Variants in PRKN observed in about 807,000 individuals in gnomAD.
PRKN encodes the protein E3 ubiquitin-protein ligase parkin.
PRKN carries 56 observed loss-of-function variants against 59.5 expected under a neutral mutation model. The observed-to-expected ratio is 0.94, with a 90% CI of 0.76 to 1.18. PRKN has a LOEUF of 1.18. Ranked by LOEUF, PRKN falls within the 50% of genes most tolerant of loss-of-function variation. The pLI is 0.00. For synonymous variants in PRKN, 250 were observed against 222.1 expected, an observed-to-expected ratio of 1.13 and a Z score of -1.12; for missense variants, 657 against 596.4, an observed-to-expected ratio of 1.10 and a Z score of -1.06.
intron 4 of PRKN, among the ~76,000 whole-genome samples, chr6:162,117,218 C>A (rs1284242654): frequency 2.0e-5 from 3 of 152,180 alleles, no homozygotes; most frequent in Non-Finnish European, 4.4e-5. Context: ...GATTTTAAAT[C>A]TTGTTATGCT....
At chr6:162,197,715 A>G (rs896760839) in intron 4 of PRKN, among the ~76,000 whole-genome samples, 1 of 152,218 alleles carries the variant, frequency 6.6e-6, no homozygotes, top group Admixed American at 6.5e-5. Flanking sequence ...ATACAAGAAT[A>G]TAAGGATAAG....
intron 2 of PRKN, among the ~76,000 whole-genome samples, chr6:162,419,679 G>GA (rs1237082101): frequency 6.6e-6 from 1 of 151,920 alleles, no homozygotes; most frequent in Non-Finnish European, 1.5e-5. Context: ...TTTACTTTTT[G>GA]AAAAATGCTT....
intron 7 of PRKN, among the ~76,000 whole-genome samples, chr6:161,630,185 A>G (rs531045894): frequency 6.6e-6 from 1 of 152,218 alleles, no homozygotes; most frequent in African/African-American, 2.4e-5. Context: ...TCATAATATA[A>G]TATGAAAGCA....
chr6:162,044,880 T>C (rs1784194366), intron 5 of PRKN, among the ~76,000 whole-genome samples: 2 of 152,342 alleles, frequency 1.3e-5, no homozygotes, highest in South Asian at 4.1e-4. Flanking sequence ...ACTCATGATA[T>C]ACTAACTTGT....
chr6:162,032,395 A>C (rs1783675960), intron 5 of PRKN, among the ~76,000 whole-genome samples: 1 of 152,188 alleles, frequency 6.6e-6, no homozygotes, highest in Non-Finnish European at 1.5e-5. Flanking sequence ...AGGAATTCTA[A>C]GGCAGAGATG....
At chr6:161,416,622 C>G (rs1231282151) in intron 9 of PRKN, among the ~76,000 whole-genome samples, 1 of 152,120 alleles carries the variant, frequency 6.6e-6, no homozygotes, top group African/African-American at 2.4e-5. Context: ...CAGCCTCATC[C>G]GCTGCTGCCT....
intron 6 of PRKN, among the ~76,000 whole-genome samples, chr6:161,920,619 G>A (rs918942914): frequency 1.3e-4 from 19 of 151,530 alleles, no homozygotes; most frequent in African/African-American, 3.6e-4. Context: ...ACCCCGTCTC[G>A]TCTCTACTAA....
chr6:162,226,309 G>C (rs1778177825), intron 3 of PRKN, among the ~76,000 whole-genome samples: 1 of 152,124 alleles, frequency 6.6e-6, no homozygotes, highest in South Asian at 2.1e-4. Flanking sequence ...CCAGAAAGGA[G>C]AGAGTGCTCC....
intron 3 of PRKN, among the ~76,000 whole-genome samples, chr6:162,250,420 T>C (rs1354287058): frequency 6.6e-6 from 1 of 152,156 alleles, no homozygotes; most frequent in Non-Finnish European, 1.5e-5. Context: ...TATTTATCTC[T>C]CTCACACACA....
At chr6:162,490,229 T>A (rs1470557755) in intron 1 of PRKN, among the ~76,000 whole-genome samples, 1 of 152,204 alleles carries the variant, frequency 6.6e-6, no homozygotes. Context: ...TTCAATCATT[T>A]GTCGGGGGGA....
intron 9 of PRKN, among the ~76,000 whole-genome samples, chr6:161,516,717 T>C (rs142635717): frequency 0.02 from 2,968 of 146,610 alleles, 43 homozygotes; most frequent in Middle Eastern, 0.04. Context: ...ATCCTAGCTA[T>C]TCAGGAGGCT....
chr6:162,414,135 A>G (rs182469085), intron 2 of PRKN, among the ~76,000 whole-genome samples: 402 of 152,186 alleles, frequency 2.6e-3, no homozygotes, highest in African/African-American at 9.3e-3. Flanking sequence ...GTGAGCTGAA[A>G]TCATGCCACT....
intron 3 of PRKN, among the ~76,000 whole-genome samples, chr6:162,234,251 C>G (rs949689962): frequency 1.3e-5 from 2 of 152,126 alleles, no homozygotes; most frequent in African/African-American, 4.8e-5. Context: ...CTGGGCCACA[C>G]TGAGTTGGGG....
chr6:162,695,216 C>T (rs1200106085), intron 1 of PRKN: 2 of 152,040 alleles, frequency 1.3e-5, no homozygotes, highest in Admixed American at 1.3e-4. Context: ...TTAACAAGGA[C>T]AAAAACATAA....
chr6:161,500,436 A>C (rs943380554), intron 9 of PRKN, among the ~76,000 whole-genome samples: 17 of 152,166 alleles, frequency 1.1e-4, no homozygotes, highest in Non-Finnish European at 1.8e-4. Context: ...ATGGTCCTGA[A>C]AACCCTCAGT....
intron 4 of PRKN, among the ~76,000 whole-genome samples, chr6:162,150,323 G>A (rs713054): frequency 0.42 from 64,074 of 152,024 alleles, 14,094 homozygotes; most frequent in East Asian, 0.59. Context: ...TGAATTTAAA[G>A]TGTCTGAGTT....
At position 161,562,129 on chromosome 6, in the gene PRKN, C is replaced by T. The variant is rs1441914984; in HGVS notation, c.933+7226G>A. Among the ~76,000 whole-genome samples, 1 of 152,032 alleles carries T rather than the reference C, an allele frequency of 6.6e-6. No homozygotes were observed. Among genetic ancestry groups the T allele is most frequent in the African/African-American group, 2.4e-5 (1 of 41,380 alleles). ...CAGCTTCCCAAACACCATAAATCAGCATTCCTCCTCTGGAAGCCCCGCCTT... is the reference window on the plus strand; with the variant it reads ...CAGCTTCCCAAACACCATAAATCAGTATTCCTCCTCTGGAAGCCCCGCCTT... On this transcript the variant is annotated intron_variant, in intron 8 of 11. Transcript: ENST00000366898. The surrounding 1 kb of genome is among the most constrained non-coding windows in gnomAD (Gnocchi z 4.3).
intron 2 of PRKN, among the ~76,000 whole-genome samples, chr6:162,279,910 C>A (rs771696667): frequency 1.1e-4 from 17 of 152,134 alleles, no homozygotes; most frequent in Non-Finnish European, 2.5e-4. Context: ...TGTATTGATC[C>A]CTTTACCATT....
rs1476527107 is a variant in PRKN, at chr6:162,711,871, T to C, written c.7+15791A>G. Reference sequence around the variant, plus strand: ...TGCAAACTTTCTTGCGCAGATCATATTAGGTAGCAGACTTGTCTTGCACCG... The same window carrying C: ...TGCAAACTTTCTTGCGCAGATCATACTAGGTAGCAGACTTGTCTTGCACCG... On this transcript the variant is annotated intron_variant, in intron 1 of 11. Transcript: ENST00000366898. Among the ~76,000 whole-genome samples, 3 of 152,170 alleles carry C rather than the reference T, an allele frequency of 2.0e-5. No individual in the cohort carries two copies. In the East Asian group the frequency reaches 5.8e-4, roughly 29 times the overall value.
Sources: gnomAD v4.1 joint callset for allele counts (sites outside exome capture counted in the v4.1 genomes callset) on GRCh38, gnomAD v4.1.1 for gene constraint, Gnocchi (gnomAD v3.1) non-coding constraint, MANE v1.5 for transcripts, NCBI Gene and HGNC (gene_info 2026-07-23, HGNC 2026-07-21) for gene names.